Variants in TCTN1 observed in about 807,000 individuals in gnomAD.
TCTN1 encodes the protein tectonic family member 1.
In TCTN1, 58 loss-of-function variants were observed where a neutral mutation model predicts 65.8. The observed-to-expected ratio is 0.88, with a 90% CI of 0.71 to 1.10. The LOEUF (loss-of-function observed/expected upper bound fraction) is 1.10, where lower values mean the gene tolerates loss of function less well. Ranked by LOEUF, TCTN1 falls within the 50% of genes least tolerant of loss-of-function variation. The pLI, the probability that TCTN1 is intolerant of heterozygous loss-of-function variation, is 0.00. For missense variants in TCTN1, 645 were observed against 719.4 expected, an observed-to-expected ratio of 0.90 and a Z score of 1.18; for synonymous variants, 273 against 289.1, an observed-to-expected ratio of 0.94 and a Z score of 0.57.
intron 1 of TCTN1, 95 bp downstream of exon 1, chr12:110,614,497 G>T: frequency 6.5e-7 from 1 of 1,542,206 alleles, no homozygotes; most frequent in Non-Finnish European, 8.7e-7. Flanking sequence ...AACTCTTATT[G>T]AGCACTTACT....
chr12:110,616,697 G>C (rs2065061789), intron 1 of TCTN1: 1 of 152,214 alleles, frequency 6.6e-6, no homozygotes, highest in African/African-American at 2.4e-5. Flanking sequence ...CCATGATGAG[G>C]GTACTGTTAT....
At chr12:110,619,301 T>C (rs1321931541) in intron 1 of TCTN1, among the ~76,000 whole-genome samples, 1 of 152,190 alleles carries the variant, frequency 6.6e-6, no homozygotes, top group Non-Finnish European at 1.5e-5. Context: ...GTATGATTCT[T>C]GGCCAAGGGT....
chr12:110,629,927 T>C (rs1188532062), intron 4 of TCTN1: 2 of 152,100 alleles, frequency 1.3e-5, no homozygotes, highest in Admixed American at 6.6e-5. Flanking sequence ...AAGGATGAGT[T>C]CATGTCCTTT....
intron 3 of TCTN1, chr12:110,628,037 C>G (rs775452589): frequency 3.3e-6 from 5 of 1,535,486 alleles, no homozygotes; most frequent in South Asian, 2.4e-5. Flanking sequence ...TTCCTTCTCT[C>G]TCTTCTGTAC....
intron 14 of TCTN1, among the ~76,000 whole-genome samples, chr12:110,648,123 A>T (rs1279001240): frequency 1.3e-5 from 2 of 152,122 alleles, no homozygotes; most frequent in Non-Finnish European, 2.9e-5. Flanking sequence ...GGTGCACACC[A>T]CAACACCTGG....
chr12:110,623,942 A>G (rs540057734), intron 2 of TCTN1, among the ~76,000 whole-genome samples: 44 of 152,262 alleles, frequency 2.9e-4, no homozygotes, highest in African/African-American at 1.0e-3. Context: ...AGGCTGGTAT[A>G]CGATGATGAA....
Position 110,640,280 on chromosome 12 carries a change from A to C in TCTN1, c.844-103A>C. 2.2e-6 allele frequency: 3 copies of C among 1,360,046 alleles called. No individual in the cohort carries two copies. The highest frequency in any genetic ancestry group is 3.1e-6 in the Non-Finnish European group (3 of 956,652). The allele number at this position is 1,360,046 out of a possible 1,614,324, so 84.2% of individuals were successfully genotyped here. A position where few individuals can be genotyped will look rare whatever the true frequency, so the allele number is the denominator to read the frequency against. On this transcript the variant is annotated intron_variant, in intron 7 of 14. Coordinates refer to ENST00000397659, the MANE Select transcript of TCTN1 (RefSeq NM_001082538.3). This position sits in a 1 kb window ranked among gnomAD's most constrained non-coding sequence, Gnocchi z 4.9. Reference sequence around the variant, plus strand: ...ACTGTTGTGTAGCATGCTTCCCCCTACTTGGCCATATATCAGGGGAGGTTT... The same window carrying C: ...ACTGTTGTGTAGCATGCTTCCCCCTCCTTGGCCATATATCAGGGGAGGTTT...
chr12:110,619,969 A>G lies in TCTN1; in HGVS notation c.341+13A>G. 1.9e-6 allele frequency: 3 copies of G among 1,614,200 alleles called. No individual in the cohort carries two copies. Among genetic ancestry groups the G allele is most frequent in the Non-Finnish European group, 2.5e-6 (3 of 1,180,034 alleles). On this transcript the variant is annotated intron_variant, in intron 2 of 14. Coordinates refer to ENST00000397659, the MANE Select transcript of TCTN1 (RefSeq NM_001082538.3). ...TTCCAGTTGTCACGTAAGTTTACGT[A>G]TGACACATGCAATTTTGAAAAAATT...
intron 7 of TCTN1, among the ~76,000 whole-genome samples, chr12:110,638,070 C>G (rs1266123042): frequency 6.6e-6 from 1 of 151,836 alleles, no homozygotes; most frequent in Non-Finnish European, 1.5e-5. Context: ...TACTGTCACT[C>G]TCTGGCAGAT....
chr12:110,630,294 G>A (rs1454688242), intron 4 of TCTN1: 1 of 152,212 alleles, frequency 6.6e-6, no homozygotes, highest in Non-Finnish European at 1.5e-5. Flanking sequence ...TGATAAACTT[G>A]TATTTTGTCT....
chr12:110,614,553 C>G (rs1390704456), intron 1 of TCTN1, 151 bp downstream of exon 1: 1 of 1,459,068 alleles, frequency 6.9e-7, no homozygotes, highest in Non-Finnish European at 9.3e-7. Context: ...ATTCTCTAAA[C>G]AATAACCCTG....
chr12:110,621,542 G>A (rs1178293926), intron 2 of TCTN1, among the ~76,000 whole-genome samples: 3 of 150,818 alleles, frequency 2.0e-5, no homozygotes, highest in Non-Finnish European at 4.4e-5. Flanking sequence ...CCTCCATCTC[G>A]GCTCACTGCA....
intron 13 of TCTN1, 29 bp downstream of exon 13, chr12:110,647,365 G>T (rs1418294923): frequency 6.2e-7 from 1 of 1,613,800 alleles, no homozygotes; most frequent in Non-Finnish European, 8.5e-7. Context: ...AAAGGCATAG[G>T]TTAAGACAGA....
At chr12:110,632,051 G>T (rs997878707) in intron 4 of TCTN1, among the ~76,000 whole-genome samples, 1 of 152,180 alleles carries the variant, frequency 6.6e-6, no homozygotes, top group East Asian at 1.9e-4. Flanking sequence ...TTTTGGGAAA[G>T]AAGGCATTCT....
intron 2 of TCTN1, chr12:110,626,037 C>T (rs2065816349): frequency 3.9e-6 from 1 of 255,502 alleles, no homozygotes; most frequent in East Asian, 1.1e-4. Context: ...CAGGTGTGAG[C>T]CACCGTGCCC....
chr12:110,621,047 C>T (rs960218558), intron 2 of TCTN1, among the ~76,000 whole-genome samples: 11 of 152,154 alleles, frequency 7.2e-5, no homozygotes, highest in African/African-American at 2.2e-4. Flanking sequence ...TCAGGTGATC[C>T]GCCCTCCTTG....
chr12:110,632,399 T>C, intron 4 of TCTN1, 73 bp from the exon 5 acceptor site: 1 of 1,498,300 alleles, frequency 6.7e-7, no homozygotes, highest in Non-Finnish European at 9.3e-7. Context: ...GCTTGGCACA[T>C]TGTGGGTGCC....
chr12:110,626,492 TGTAA>T lies in TCTN1; in HGVS notation c.472+4_472+7del, dbSNP rs748362531. On this transcript the variant is annotated splice_donor_variant and splice_donor_region_variant and intron_variant, in intron 3 of 14. Transcript: ENST00000397659. LOFTEE classifies it high-confidence loss of function. ...TATTTTCTGCATTCATATTACAAAC[TGTAA>T]GTATTTGACATTGATATATTTTGTG... 1.2e-6 allele frequency: 2 copies of T among 1,611,758 alleles called. No homozygotes were observed. The highest frequency in any genetic ancestry group is 1.1e-5 in the South Asian group (1 of 90,906).
chr12:110,647,543 C>T, intron 13 of TCTN1: 2 of 1,025,900 alleles, frequency 1.9e-6, no homozygotes, highest in Non-Finnish European at 1.4e-6. Context: ...TTAAAATTCT[C>T]ATGAAAATTA....
Sources: gnomAD v4.1 joint callset for allele counts (sites outside exome capture counted in the v4.1 genomes callset) on GRCh38, gnomAD v4.1.1 for gene constraint, Gnocchi (gnomAD v3.1) non-coding constraint, MANE v1.5 for transcripts, NCBI Gene and HGNC (gene_info 2026-07-23, HGNC 2026-07-21) for gene names.